Variants in ZNF609 observed in about 807,000 individuals in gnomAD.
ZNF609 encodes zinc finger protein 609.
In ZNF609, 11 loss-of-function variants were observed where a neutral mutation model predicts 109.5. That is an observed-to-expected ratio of 0.10 (90% CI 0.06 to 0.17). The LOEUF (loss-of-function observed/expected upper bound fraction) is 0.17. Among genes scored for constraint, ZNF609 ranks in the 10% least tolerant of loss-of-function variants. The pLI, the probability that ZNF609 is intolerant of heterozygous loss-of-function variation, is 1.00. For missense variants in ZNF609, 1,559 were observed against 1,772.4 expected, an observed-to-expected ratio of 0.88 and a Z score of 2.16; for synonymous variants, 646 against 662.0, an observed-to-expected ratio of 0.98 and a Z score of 0.37.
In ZNF609 at chr15:64,499,314, A is replaced by G. The variant is rs751871498; in HGVS notation, c.-106A>G. The G allele has an allele frequency of 6.3e-6, 9 of 1,436,496 alleles. No individual in the cohort carries two copies. The highest frequency in any genetic ancestry group is 7.6e-6 in the Non-Finnish European group (8 of 1,059,344). The allele number at this position is 1,436,496 out of a possible 1,614,324, so 89.0% of individuals were successfully genotyped here. A position where few individuals can be genotyped will look rare whatever the true frequency, so the allele number is the denominator to read the frequency against. ...CCAGCAATGATGTTGTCCACTGGGC[A>G]TGTACTGACCAATGTGGCAGGTCTG... On this transcript the variant is annotated 5_prime_UTR_variant, in exon 2 of 10. It removes an upstream start codon present in the reference 5' UTR. Coordinates refer to ENST00000326648, the MANE Select transcript of ZNF609 (RefSeq NM_015042.2).
chr15:64,654,890 A>T (rs1258879028), intron 3 of ZNF609, among the ~76,000 whole-genome samples: 2 of 151,934 alleles, frequency 1.3e-5, no homozygotes, highest in African/African-American at 4.8e-5. Context: ...AGGTCAGGAG[A>T]TCGAGACCAT....
chr15:64,590,984 A>G (rs1315714590), intron 2 of ZNF609, among the ~76,000 whole-genome samples: 2 of 152,202 alleles, frequency 1.3e-5, no homozygotes, highest in South Asian at 2.1e-4. Flanking sequence ...AGGCAATACC[A>G]TAGAGTTTTC....
chr15:64,632,939 A>AT (rs1447903875), intron 3 of ZNF609, among the ~76,000 whole-genome samples: 8 of 150,132 alleles, frequency 5.3e-5, no homozygotes, highest in Non-Finnish European at 1.2e-4. Context: ...TGCCCAACTA[A>AT]TTTTTTTTGT....
chr15:64,585,733 A>G (rs1451606956), intron 2 of ZNF609, among the ~76,000 whole-genome samples: 1 of 152,226 alleles, frequency 6.6e-6, no homozygotes, highest in African/African-American at 2.4e-5. Context: ...TTCAAGCATG[A>G]CTTTATTACT....
intron 2 of ZNF609, chr15:64,501,194 C>T (rs183951047): frequency 8.5e-5 from 13 of 152,248 alleles, no homozygotes; most frequent in African/African-American, 2.9e-4. Context: ...ATTGATTTCT[C>T]TGTAATTAGA....
At chr15:64,672,226 A>T (rs1319469010) in intron 4 of ZNF609, among the ~76,000 whole-genome samples, 4 of 148,898 alleles carry the variant, frequency 2.7e-5, no homozygotes, top group Non-Finnish European at 6.0e-5. Context: ...TTTAGCCAGG[A>T]TGGTCTCGAT....
intron 3 of ZNF609, among the ~76,000 whole-genome samples, chr15:64,666,913 G>T (rs987897169): frequency 6.6e-6 from 1 of 151,952 alleles, no homozygotes; most frequent in Non-Finnish European, 1.5e-5. Flanking sequence ...CGGATCATGA[G>T]ATCAGGAGAT....
At chr15:64,590,376 CA>C (rs1287299044) in intron 2 of ZNF609, among the ~76,000 whole-genome samples, 2 of 152,074 alleles carry the variant, frequency 1.3e-5, no homozygotes, top group African/African-American at 4.8e-5. Context: ...GGCTAGAGTG[CA>C]GTGGCATGAT....
At chr15:64,538,963 T>C (rs578051557) in intron 2 of ZNF609, among the ~76,000 whole-genome samples, 2 of 152,228 alleles carry the variant, frequency 1.3e-5, no homozygotes, top group East Asian at 3.9e-4. Flanking sequence ...GCCTCCTGAG[T>C]AGCTGGGGCT....
Position 64,678,503 on chromosome 15 carries a change from A to G in ZNF609, c.3769+21A>G, listed in dbSNP as rs549914968. The G allele has an allele frequency of 4.4e-5, 67 of 1,538,828 alleles. No homozygotes were observed. In the South Asian group the frequency reaches 7.7e-4, roughly 18 times the overall value. ...CCCAGGTACAGCACCAAGTGCCAGC[A>G]CTATTCCATTCACTGGAAGGGGGAA... On this transcript the variant is annotated intron_variant, in intron 6 of 9. Coordinates refer to ENST00000326648, the MANE Select transcript of ZNF609 (RefSeq NM_015042.2).
intron 3 of ZNF609, among the ~76,000 whole-genome samples, chr15:64,655,407 G>C (rs1365623830): frequency 6.6e-6 from 1 of 152,002 alleles, no homozygotes; most frequent in Non-Finnish European, 1.5e-5. Context: ...TTGCACTCCA[G>C]CCAGGACAAC....
At chr15:64,540,465 T>C (rs1894231387) in intron 2 of ZNF609, among the ~76,000 whole-genome samples, 2 of 151,936 alleles carry the variant, frequency 1.3e-5, no homozygotes, top group Non-Finnish European at 2.9e-5. Context: ...AGTGCAGTGG[T>C]GCAATCTTGA....
At chr15:64,661,392 G>T (rs1374057074) in intron 3 of ZNF609, among the ~76,000 whole-genome samples, 2 of 152,176 alleles carry the variant, frequency 1.3e-5, no homozygotes, top group Non-Finnish European at 2.9e-5. Context: ...ACAGTGTCTG[G>T]CCCAGAGTAG....
At chr15:64,514,884 G>A (rs550529144) in intron 2 of ZNF609, among the ~76,000 whole-genome samples, 1 of 152,174 alleles carries the variant, frequency 6.6e-6, no homozygotes, top group South Asian at 2.1e-4. Flanking sequence ...TGATCCTTCC[G>A]CCTTAGCCTC....
At chr15:64,518,268 C>G (rs1315338606) in intron 2 of ZNF609, among the ~76,000 whole-genome samples, 1 of 151,972 alleles carries the variant, frequency 6.6e-6, no homozygotes, top group Non-Finnish European at 1.5e-5. Flanking sequence ...AAACAGAGAC[C>G]CAAAGGGATA....
At chr15:64,632,352 C>A (rs1044851261) in intron 3 of ZNF609, among the ~76,000 whole-genome samples, 9 of 152,090 alleles carry the variant, frequency 5.9e-5, no homozygotes, top group Admixed American at 5.2e-4. Context: ...CCACACCCAG[C>A]CTCTATTTTT....
At chr15:64,484,745 G>A (rs1893307772) in intron 1 of ZNF609, among the ~76,000 whole-genome samples, 1 of 150,300 alleles carries the variant, frequency 6.7e-6, no homozygotes, top group Non-Finnish European at 1.5e-5. Context: ...GGAGGCCGAG[G>A]CGGGCGGATC....
At chr15:64,538,742 C>G (rs1430653621) in intron 2 of ZNF609, among the ~76,000 whole-genome samples, 1 of 151,958 alleles carries the variant, frequency 6.6e-6, no homozygotes, top group Non-Finnish European at 1.5e-5. Context: ...GACGGGGTTT[C>G]TCCATGTTAG....
chr15:64,582,029 A>G (rs1895112033), intron 2 of ZNF609, among the ~76,000 whole-genome samples: 1 of 152,058 alleles, frequency 6.6e-6, no homozygotes, highest in Admixed American at 6.6e-5. Flanking sequence ...TTATCTTTCC[A>G]ACATCTTTAT....
Sources: gnomAD v4.1 joint callset for allele counts (sites outside exome capture counted in the v4.1 genomes callset) on GRCh38, gnomAD v4.1.1 for gene constraint, MANE v1.5 for transcripts, NCBI Gene and HGNC (gene_info 2026-07-23, HGNC 2026-07-21) for gene names.